Variants in SLX4IP observed in about 807,000 individuals in gnomAD.
SLX4IP encodes protein SLX4IP.
A neutral mutation model predicts 32.9 loss-of-function variants in SLX4IP; 34 were observed. That is an observed-to-expected ratio of 1.03 (90% CI 0.79 to 1.38). The LOEUF (loss-of-function observed/expected upper bound fraction) is 1.38. SLX4IP is among the 40% of genes most tolerant of loss of function. The pLI is 0.00. For missense variants in SLX4IP, 444 were observed against 479.0 expected (o/e 0.93, Z 0.68); for synonymous variants, 172 against 171.7 (o/e 1.00, Z -0.01).
chr20:10,462,909 G>T (rs937002191), intron 2 of SLX4IP, among the ~76,000 whole-genome samples: 2 of 152,168 alleles, frequency 1.3e-5, no homozygotes, highest in South Asian at 2.1e-4. Flanking sequence ...CAAGTGCATG[G>T]GAGTCATACA....
In SLX4IP at chr20:10,588,139, A is replaced by AG. The variant is rs577249526; in HGVS notation, c.239-10536_239-10535insG. On this transcript the variant is annotated intron_variant, in intron 4 of 7. Transcript: ENST00000334534. ...CTCATACAACTCAATAGCAAAGAAA[A>AG]AAAAGGAAAAGGAAGAAAGAAAACA... Among the ~76,000 whole-genome samples, 5 of 152,282 alleles carry AG rather than the reference A, an allele frequency of 3.3e-5. No individual in the cohort carries two copies. The South Asian group carries it at 1.0e-3, about 32-fold the overall frequency.
chr20:10,511,703 C>G (rs570466541), intron 2 of SLX4IP, among the ~76,000 whole-genome samples: 10 of 152,352 alleles, frequency 6.6e-5, no homozygotes, highest in African/African-American at 2.4e-4. Flanking sequence ...TAAGGACCCA[C>G]AGTTAGGTGG....
intron 2 of SLX4IP, among the ~76,000 whole-genome samples, chr20:10,503,670 T>A (rs1390732139): frequency 6.6e-6 from 1 of 152,166 alleles, no homozygotes; most frequent in Non-Finnish European, 1.5e-5. Context: ...CAATAGATAT[T>A]TATTGTCTCA....
chr20:10,515,995 C>T (rs2065846809), intron 2 of SLX4IP, among the ~76,000 whole-genome samples: 1 of 152,080 alleles, frequency 6.6e-6, no homozygotes, highest in Non-Finnish European at 1.5e-5. Flanking sequence ...CTCAAGTGAT[C>T]CTCCCACCTC....
chr20:10,451,892 C>T (rs537962723), intron 1 of SLX4IP, among the ~76,000 whole-genome samples: 2 of 152,166 alleles, frequency 1.3e-5, no homozygotes, highest in African/African-American at 4.8e-5. Context: ...CGCTTGAATC[C>T]AGGAGGTGGA....
intron 2 of SLX4IP, among the ~76,000 whole-genome samples, chr20:10,519,482 T>C (rs1214741246): frequency 6.6e-6 from 1 of 152,260 alleles, no homozygotes; most frequent in Non-Finnish European, 1.5e-5. Flanking sequence ...CGTGGTGTTT[T>C]GTGACTGGCT....
At chr20:10,533,035 G>A (rs554316615) in intron 2 of SLX4IP, among the ~76,000 whole-genome samples, 2 of 151,894 alleles carry the variant, frequency 1.3e-5, no homozygotes, top group South Asian at 4.2e-4. Context: ...TTGGCCTCCC[G>A]AAGTGCTGGG....
chr20:10,557,476 T>C (rs539373503), intron 3 of SLX4IP, among the ~76,000 whole-genome samples: 6 of 152,322 alleles, frequency 3.9e-5, no homozygotes, highest in Admixed American at 3.9e-4. Flanking sequence ...ATTTAGCAAG[T>C]CAATCAACAT....
chr20:10,528,281 A>G (rs575514265), intron 2 of SLX4IP, among the ~76,000 whole-genome samples: 80 of 152,372 alleles, frequency 5.3e-4, no homozygotes, highest in Admixed American at 4.4e-3. Context: ...GGAAAAAACA[A>G]TGCTTAAATG....
chr20:10,606,987 T>G (rs1451855880), intron 6 of SLX4IP, among the ~76,000 whole-genome samples: 4 of 152,254 alleles, frequency 2.6e-5, no homozygotes, highest in Non-Finnish European at 5.9e-5. Flanking sequence ...CTCAGAATTG[T>G]GTTTTCTGTA....
At chr20:10,486,111 G>T (rs545477804) in intron 2 of SLX4IP, among the ~76,000 whole-genome samples, 3 of 151,130 alleles carry the variant, frequency 2.0e-5, no homozygotes, top group Non-Finnish European at 4.4e-5. Context: ...ATTCAAGAGG[G>T]TTTGTTTATT....
At chr20:10,471,338 A>G (rs1348480130) in intron 2 of SLX4IP, among the ~76,000 whole-genome samples, 4 of 152,220 alleles carry the variant, frequency 2.6e-5, no homozygotes, top group African/African-American at 9.7e-5. Flanking sequence ...ATGATTGCCC[A>G]TCCCTAACCT....
At chr20:10,575,588 A>G (rs1488724779) in intron 4 of SLX4IP, among the ~76,000 whole-genome samples, 1 of 150,896 alleles carries the variant, frequency 6.6e-6, no homozygotes, top group South Asian at 2.1e-4. Context: ...TAGGAGTAAC[A>G]TACATATTTT....
chr20:10,472,186 A>G (rs1189608628), intron 2 of SLX4IP, among the ~76,000 whole-genome samples: 2 of 150,912 alleles, frequency 1.3e-5, no homozygotes, highest in Admixed American at 6.6e-5. Flanking sequence ...ATGTTGAATT[A>G]GGGAGTTTCT....
chr20:10,524,597 A>G (rs530678135), intron 2 of SLX4IP, among the ~76,000 whole-genome samples: 4 of 152,320 alleles, frequency 2.6e-5, no homozygotes, highest in South Asian at 2.1e-4. Flanking sequence ...AATAATTAAT[A>G]TTTTTGTGAG....
At chr20:10,600,247 A>C (rs2066825326) in intron 5 of SLX4IP, among the ~76,000 whole-genome samples, 1 of 152,142 alleles carries the variant, frequency 6.6e-6, no homozygotes, top group Non-Finnish European at 1.5e-5. Context: ...ATATGCCCAC[A>C]TGGGGTCAAA....
intron 6 of SLX4IP, chr20:10,614,068 C>A: frequency 6.5e-7 from 1 of 1,542,534 alleles, no homozygotes; most frequent in Non-Finnish European, 8.9e-7. Flanking sequence ...TCCTCCTTGT[C>A]GCCCTCGCCC....
At chr20:10,523,517 T>G (rs1390173210) in intron 2 of SLX4IP, among the ~76,000 whole-genome samples, 1 of 152,236 alleles carries the variant, frequency 6.6e-6, no homozygotes, top group Non-Finnish European at 1.5e-5. Context: ...AATTATAAGA[T>G]AAAGTAACAG....
intron 2 of SLX4IP, among the ~76,000 whole-genome samples, chr20:10,461,499 G>T (rs2065337962): frequency 6.6e-6 from 1 of 152,234 alleles, no homozygotes; most frequent in African/African-American, 2.4e-5. Flanking sequence ...TTCTGCCTCT[G>T]ACAGGCTAGG....
Sources: gnomAD v4.1 joint callset for allele counts (sites outside exome capture counted in the v4.1 genomes callset) on GRCh38, gnomAD v4.1.1 for gene constraint, MANE v1.5 for transcripts, NCBI Gene and HGNC (gene_info 2026-07-23, HGNC 2026-07-21) for gene names.